The following CAMSAP2 variants were observed in gnomAD, a reference collection of about 807,000 sequenced individuals.
CAMSAP2 encodes the protein calmodulin-regulated spectrin-associated protein 2.
A neutral mutation model predicts 146.1 loss-of-function variants in CAMSAP2; 26 were observed. That is an observed-to-expected ratio of 0.18 (90% confidence interval 0.13 to 0.25). CAMSAP2 has a LOEUF of 0.25. Ranked by LOEUF, CAMSAP2 falls within the 10% of genes least tolerant of loss-of-function variation. CAMSAP2 has a pLI of 1.00. For missense variants in CAMSAP2, 1,381 were observed against 1,759.3 expected (o/e 0.78, Z 3.85); for synonymous variants, 499 against 596.6 (o/e 0.84, Z 2.38).
intron 1 of CAMSAP2, among the ~76,000 whole-genome samples, chr1:200,741,342 T>G (rs1664168927): frequency 6.6e-6 from 1 of 152,248 alleles, no homozygotes; most frequent in Non-Finnish European, 1.5e-5. Flanking sequence ...CTAGCGTAAC[T>G]CATAGGAAGA....
At chr1:200,779,115 A>G (rs1157536510) in intron 2 of CAMSAP2, among the ~76,000 whole-genome samples, 1 of 152,186 alleles carries the variant, frequency 6.6e-6, no homozygotes, top group Non-Finnish European at 1.5e-5. Flanking sequence ...AAAGCCTCAT[A>G]ACCATTTTTC....
Position 200,848,226 on chromosome 1 carries a change from T to A in CAMSAP2, c.1457T>A (p.Ile486Asn). The A allele has an allele frequency of 1.9e-6, 3 of 1,613,830 alleles. No individual in the cohort carries two copies. The South Asian group carries it at 3.3e-5, about 18-fold the overall frequency. Residue 486 changes from isoleucine (I) to asparagine (N), a missense_variant, in exon 11 of 17, where the codon ATT becomes AAT. Ile to Asn is a moderately radical substitution (Grantham distance 149). Around this residue, in one of 4 missense-constraint regions of CAMSAP2, gnomAD observed 447 missense variants for 462.2 expected, o/e 0.97. Coordinates refer to ENST00000358823, the MANE Select transcript of CAMSAP2 (RefSeq NM_203459.4). ...PINGEEEAES[I>N]EEELNIDSHS... ...AATGGAGAAGAGGAAGCAGAGAGCATTGAAGAAGAACTTAATATAGATTCT... is the reference window on the plus strand; with the variant it reads ...AATGGAGAAGAGGAAGCAGAGAGCAATGAAGAAGAACTTAATATAGATTCT...
At chr1:200,780,867 C>T (rs1304868863) in intron 2 of CAMSAP2, among the ~76,000 whole-genome samples, 1 of 152,150 alleles carries the variant, frequency 6.6e-6, no homozygotes, top group Non-Finnish European at 1.5e-5. Context: ...ATGACTTTTT[C>T]TTTTCTGTTT....
intron 2 of CAMSAP2, among the ~76,000 whole-genome samples, chr1:200,780,810 T>C (rs1253830730): frequency 6.6e-6 from 1 of 152,194 alleles, no homozygotes; most frequent in African/African-American, 2.4e-5. Context: ...TAAGTTGTCT[T>C]TGTAGTTTAT....
chr1:200,768,225 A>T (rs1665010829), intron 2 of CAMSAP2, among the ~76,000 whole-genome samples: 1 of 152,214 alleles, frequency 6.6e-6, no homozygotes, highest in Admixed American at 6.5e-5. Flanking sequence ...GTTTTGAAGG[A>T]TGCGGAGGAA....
intron 2 of CAMSAP2, among the ~76,000 whole-genome samples, chr1:200,794,318 C>A (rs997041989): frequency 6.6e-6 from 1 of 152,184 alleles, no homozygotes; most frequent in Non-Finnish European, 1.5e-5. Flanking sequence ...ATAGACCCTG[C>A]AAATCAGCGG....
At chr1:200,784,890 T>C (rs1268717106) in intron 2 of CAMSAP2, among the ~76,000 whole-genome samples, 3 of 152,334 alleles carry the variant, frequency 2.0e-5, no homozygotes, top group Non-Finnish European at 2.9e-5. Flanking sequence ...TTGAAGATGT[T>C]CTTTTTCGGG....
chr1:200,850,046 C>G lies in CAMSAP2; in HGVS notation c.3277C>G (p.Pro1093Ala). 6.2e-7 allele frequency: 1 copy of G among 1,611,946 alleles called. No homozygotes were observed. The highest frequency in any genetic ancestry group is 8.5e-7 in the Non-Finnish European group (1 of 1,179,106). Reference sequence around the variant, plus strand: ...ACCAAATGAGGACCAATTGAATCAACCCACAGAACCCCCTCCTAAACCCGT... The same window carrying G: ...ACCAAATGAGGACCAATTGAATCAAGCCACAGAACCCCCTCCTAAACCCGT... ...LTPNEDQLNQ[P>A]TEPPPKPVFP... The change falls in exon 11 of 17, where the codon CCC becomes GCC. Residue 1093 changes from proline (P) to alanine (A), a missense_variant. Coordinates refer to ENST00000358823, the MANE Select transcript of CAMSAP2 (RefSeq NM_203459.4).
At chr1:200,820,772 A>G (rs549329765) in intron 4 of CAMSAP2, among the ~76,000 whole-genome samples, 102 of 152,280 alleles carry the variant, frequency 6.7e-4, no homozygotes, top group Admixed American at 1.6e-3. Context: ...GTTGCAATCC[A>G]TTTCAGTACA....
rs748270500 is a variant in CAMSAP2, at chr1:200,858,133, T to C, written c.*74T>C. Reference sequence around the variant, plus strand: ...ATCTTTCCTGCCTATAGAAAATCTTTCTAATTGCCAACAAGACTTTTATTA... The same window carrying C: ...ATCTTTCCTGCCTATAGAAAATCTTCCTAATTGCCAACAAGACTTTTATTA... On this transcript the variant is annotated 3_prime_UTR_variant, in exon 17 of 17. Transcript: ENST00000358823. 8 of 1,304,424 alleles carry C rather than the reference T, an allele frequency of 6.1e-6. No individual in the cohort carries two copies. The highest frequency in any genetic ancestry group is 5.3e-6 in the Non-Finnish European group (5 of 951,614). The allele number at this position is 1,304,424 out of a possible 1,614,324, so 80.8% of individuals were successfully genotyped here.
At chr1:200,820,061 A>C (rs531370654) in intron 4 of CAMSAP2, among the ~76,000 whole-genome samples, 1 of 151,042 alleles carries the variant, frequency 6.6e-6, no homozygotes, top group African/African-American at 2.5e-5. Flanking sequence ...TTTCTCAAAA[A>C]ATTTTTTTTT....
chr1:200,763,282 T>C (rs2103004457), intron 2 of CAMSAP2, among the ~76,000 whole-genome samples: 1 of 152,318 alleles, frequency 6.6e-6, no homozygotes, highest in Middle Eastern at 3.4e-3. Context: ...CTCACGCCTG[T>C]AATCCCAGCA....
chr1:200,754,557 A>G (rs1664593945), intron 1 of CAMSAP2, among the ~76,000 whole-genome samples: 1 of 136,052 alleles, frequency 7.4e-6, no homozygotes, highest in South Asian at 2.4e-4. Context: ...GTATTATTCT[A>G]CCACAAGAAA....
intron 2 of CAMSAP2, among the ~76,000 whole-genome samples, chr1:200,799,339 C>T (rs1403515657): frequency 6.6e-6 from 1 of 152,074 alleles, no homozygotes; most frequent in African/African-American, 2.4e-5. Context: ...ATTACTGCCT[C>T]AATTTCAGAA....
chr1:200,809,607 A>G (rs6682674), intron 3 of CAMSAP2, among the ~76,000 whole-genome samples: 425 of 152,252 alleles, frequency 2.8e-3, no homozygotes, highest in African/African-American at 9.4e-3. Flanking sequence ...GGCAGATGCC[A>G]GTAATCCCAG....
At chr1:200,827,968 TG>T (rs1013144612) in intron 4 of CAMSAP2, among the ~76,000 whole-genome samples, 1 of 152,166 alleles carries the variant, frequency 6.6e-6, no homozygotes, top group Non-Finnish European at 1.5e-5. Context: ...TCTCTTTGTG[TG>T]AGTAGTTACT....
chr1:200,817,965 G>A (rs746105074), intron 4 of CAMSAP2, among the ~76,000 whole-genome samples: 4 of 151,970 alleles, frequency 2.6e-5, no homozygotes, highest in Admixed American at 1.3e-4. Context: ...TCCCTGTTAC[G>A]TCCCACAGTC....
intron 4 of CAMSAP2, among the ~76,000 whole-genome samples, chr1:200,830,474 A>G (rs1395981706): frequency 6.6e-6 from 1 of 152,238 alleles, no homozygotes; most frequent in African/African-American, 2.4e-5. Flanking sequence ...AAAACAAACT[A>G]CTAGTCCCAG....
Position 200,738,926 on chromosome 1 carries a change from A to G in CAMSAP2, c.-902A>G, listed in dbSNP as rs1156682786. ...CATCTGCTCCTTCATCCAGTGCCGCAGCCGGAAAACCGCAGCGGCGGCGGC... is the reference window on the plus strand; with the variant it reads ...CATCTGCTCCTTCATCCAGTGCCGCGGCCGGAAAACCGCAGCGGCGGCGGC... On this transcript the variant is annotated 5_prime_UTR_variant, in exon 1 of 17. Transcript: ENST00000358823. Among the ~76,000 whole-genome samples the G allele has an allele frequency of 2.7e-5, 4 of 149,362 alleles. No individual in the cohort carries two copies. Among genetic ancestry groups the G allele is most frequent in the Non-Finnish European group, 5.9e-5 (4 of 67,512 alleles).
Sources: gnomAD v4.1 joint callset for allele counts (sites outside exome capture counted in the v4.1 genomes callset) on GRCh38, gnomAD v4.1.1 for gene constraint, gnomAD v4.1.1 regional missense constraint, MANE v1.5 for transcripts, NCBI Gene and HGNC (gene_info 2026-07-23, HGNC 2026-07-21) for gene names.